U2SURP: variants seen among roughly 807,000 people sequenced by gnomAD.
U2SURP encodes the protein U2 snRNP-associated SURP motif-containing protein.
U2SURP carries 9 observed loss-of-function variants against 144.9 expected under a neutral mutation model. That is an observed-to-expected ratio of 0.06 (90% confidence interval 0.04 to 0.11). U2SURP has a LOEUF of 0.11. Ranked by LOEUF, U2SURP falls within the 10% of genes least tolerant of loss-of-function variation. The probability of loss-of-function intolerance (pLI) is 1.00; values close to 1 mark genes in which losing one functional copy is unlikely to be tolerated. For synonymous variants in U2SURP, 408 were observed against 396.8 expected, an observed-to-expected ratio of 1.03 and a Z score of -0.33; for missense variants, 724 against 1,226.7, an observed-to-expected ratio of 0.59 and a Z score of 6.12.
At chr3:143,027,481 TTC>T (rs781595344) in intron 14 of U2SURP, among the ~76,000 whole-genome samples, 1 of 152,156 alleles carries the variant, frequency 6.6e-6, no homozygotes, top group Non-Finnish European at 1.5e-5. Flanking sequence ...CCATTCTACT[TTC>T]TGTCTCTTAG....
At chr3:143,003,928 G>A (rs2108263736) in intron 1 of U2SURP, among the ~76,000 whole-genome samples, 1 of 152,190 alleles carries the variant, frequency 6.6e-6, no homozygotes, top group East Asian at 1.9e-4. Context: ...TTGACCTCGT[G>A]ATCCACCCGC....
chr3:143,014,489 T>G, intron 4 of U2SURP, 80 bp downstream of exon 4: 1 of 920,106 alleles, frequency 1.1e-6, no homozygotes, highest in Non-Finnish European at 1.6e-6. Flanking sequence ...GAGGAATGTT[T>G]CCCGAAGATT....
At chr3:143,032,071 CTT>C (rs763621819) in intron 16 of U2SURP, among the ~76,000 whole-genome samples, 3 of 145,258 alleles carry the variant, frequency 2.1e-5, no homozygotes, top group Non-Finnish European at 1.5e-5. Context: ...TATTTGTAAT[CTT>C]TTTTTTTTTT....
At position 143,027,145 on chromosome 3, in the gene U2SURP, G is replaced by A; in HGVS notation, c.1275-4G>A. The A allele has an allele frequency of 6.2e-7, 1 of 1,610,006 alleles. No individual in the cohort carries two copies. The highest frequency in any genetic ancestry group is 8.5e-7 in the Non-Finnish European group (1 of 1,176,734). ...CATTTTCTTTAACTGTGTTGTTGTTGTAGGAATTTGCTCGCCCTGATACAT... is the reference window on the plus strand; with the variant it reads ...CATTTTCTTTAACTGTGTTGTTGTTATAGGAATTTGCTCGCCCTGATACAT... On this transcript the variant is annotated splice_region_variant and splice_polypyrimidine_tract_variant and intron_variant, in intron 13 of 27. Transcript: ENST00000473835.
chr3:143,006,845 T>TA (rs1294802141), intron 1 of U2SURP, among the ~76,000 whole-genome samples: 3 of 152,174 alleles, frequency 2.0e-5, no homozygotes, highest in Non-Finnish European at 4.4e-5. Context: ...GAGAGATTGT[T>TA]AAACTTGTGG....
At chr3:143,043,556 GCTTA>G (rs1201327573) in intron 24 of U2SURP, among the ~76,000 whole-genome samples, 2 of 151,920 alleles carry the variant, frequency 1.3e-5, no homozygotes, top group South Asian at 2.1e-4. Flanking sequence ...TTGTTTGTTT[GCTTA>G]CTTGCTTGCT....
chr3:143,011,063 T>A (rs1936100162), intron 2 of U2SURP, among the ~76,000 whole-genome samples: 2 of 152,032 alleles, frequency 1.3e-5, no homozygotes, highest in Admixed American at 6.6e-5. Context: ...GTTAGAAACC[T>A]AGTATGTATA....
rs1480666844 is a variant in U2SURP at position 143,017,122 on chromosome 3, ATTTAC to A, written c.570+150_570+154del. The A allele has an allele frequency of 4.9e-6, 3 of 608,790 alleles. No homozygotes were observed. In the African/African-American group the frequency reaches 5.8e-5, roughly 12 times the overall value. The allele number at this position is 608,790 out of a possible 1,614,324, so 37.7% of individuals were successfully genotyped here. A position where few individuals can be genotyped will look rare whatever the true frequency, so the allele number is the denominator to read the frequency against. On this transcript the variant is annotated intron_variant, in intron 6 of 27. Transcript: ENST00000473835. ...AGTTTTGATGCTTTCTAACCCAGTA[ATTTAC>A]TTAGATGAGAGTTAATGAATTGGGA... is the stretch of plus-strand genomic sequence containing the variant.
chr3:143,052,933 G>T (rs891641825), intron 25 of U2SURP, among the ~76,000 whole-genome samples: 5 of 146,452 alleles, frequency 3.4e-5, no homozygotes, highest in Non-Finnish European at 7.4e-5. Context: ...AGCATCTGGG[G>T]ATAAGCAAAT....
chr3:143,020,064 A>C, intron 7 of U2SURP, 28 bp downstream of exon 7: 2 of 1,383,612 alleles, frequency 1.4e-6, no homozygotes, highest in Non-Finnish European at 2.0e-6. Flanking sequence ...GAGAATAACT[A>C]TCATAGGTGT....
chr3:143,056,198 T>G, intron 27 of U2SURP, 114 bp from the exon 28 acceptor site: 1 of 1,076,480 alleles, frequency 9.3e-7, no homozygotes, highest in Admixed American at 2.8e-5. Flanking sequence ...CATAGTCTTA[T>G]TGCAGTGATT....
intron 10 of U2SURP, among the ~76,000 whole-genome samples, chr3:143,021,934 C>T (rs1191881417): frequency 2.2e-4 from 33 of 151,652 alleles, no homozygotes; most frequent in Non-Finnish European, 4.7e-4. Context: ...TAATTCTTTT[C>T]CTGCATTGGT....
Position 143,056,519 on chromosome 3 carries a change from T to TA in U2SURP, c.*76dup, listed in dbSNP as rs544101182. The TA allele has an allele frequency of 1.1e-4, 167 of 1,554,862 alleles. 1 individual carries two copies. In the African/African-American group the frequency reaches 2.0e-3, roughly 18 times the overall value. ...TTTTGTGCCTGAACGGTCTGTTTTT[T>TA]AAAAAAACAAAAAATCAAATGAAAG... On this transcript the variant is annotated 3_prime_UTR_variant, in exon 28 of 28. Transcript: ENST00000473835.
intron 13 of U2SURP, chr3:143,026,042 G>T (rs578035624): frequency 6.6e-6 from 1 of 152,128 alleles, no homozygotes; most frequent in Non-Finnish European, 1.5e-5. Context: ...TTTGTACCAA[G>T]AGCCAATATC....
At position 143,027,266 on chromosome 3, in the gene U2SURP, TA is replaced by T; in HGVS notation, c.1379+18del. The T allele has an allele frequency of 6.2e-7, 1 of 1,601,116 alleles. No individual in the cohort carries two copies. The highest frequency in any genetic ancestry group is 8.5e-7 in the Non-Finnish European group (1 of 1,169,658). ...ATCCTATGTTCAGGTGTGCATTTTT[TA>T]AAAATTGTGAAATATATGTAACATA... On this transcript the variant is annotated intron_variant, in intron 14 of 27. Transcript: ENST00000473835.
At chr3:143,041,877 T>C (rs1292788954) in intron 23 of U2SURP, among the ~76,000 whole-genome samples, 2 of 152,158 alleles carry the variant, frequency 1.3e-5, no homozygotes, top group East Asian at 3.9e-4. Context: ...GTCAACATTG[T>C]TTGTAAGGAA....
At chr3:143,049,752 C>A (rs139396797) in intron 24 of U2SURP, among the ~76,000 whole-genome samples, 1 of 152,212 alleles carries the variant, frequency 6.6e-6, no homozygotes, top group African/African-American at 2.4e-5. Context: ...CAAAATAAAT[C>A]ATGAATTTAT....
rs116662166 is a variant in U2SURP, at chr3:143,009,617, A to G, written c.46-1198A>G. Among the ~76,000 whole-genome samples the G allele has an allele frequency of 3.0e-3, 461 of 152,002 alleles. 6 individuals are homozygous for G. Among genetic ancestry groups the G allele is most frequent in the African/African-American group, 0.011 (438 of 41,468 alleles). ...TGTCTCAAGAAAAAAAAAAAATGAA[A>G]GAAAGAATGAGATGGGAGGGGTCCC... On this transcript the variant is annotated intron_variant, in intron 1 of 27. Coordinates refer to ENST00000473835, the MANE Select transcript of U2SURP (RefSeq NM_001080415.2).
At chr3:143,020,160 T>A (rs1194860219) in intron 7 of U2SURP, 124 bp downstream of exon 7, 5 of 570,192 alleles carry the variant, frequency 8.8e-6, no homozygotes, top group Non-Finnish European at 1.4e-5. Context: ...TGAGATTGTT[T>A]TAGATATTAT....
Sources: gnomAD v4.1 joint callset for allele counts (sites outside exome capture counted in the v4.1 genomes callset) on GRCh38, gnomAD v4.1.1 for gene constraint, MANE v1.5 for transcripts, NCBI Gene and HGNC (gene_info 2026-07-23, HGNC 2026-07-21) for gene names.